Variants in CDH8 observed in about 807,000 individuals in gnomAD.
CDH8 encodes the protein cadherin 8.
Under a neutral mutation model 68.1 loss-of-function variants are expected in CDH8, and 17 were observed. That is an observed-to-expected ratio of 0.25 (90% confidence interval 0.17 to 0.37). The LOEUF (loss-of-function observed/expected upper bound fraction) is 0.37. Ranked by LOEUF, CDH8 falls within the 10% of genes least tolerant of loss-of-function variation. CDH8 has a pLI of 1.00. For missense variants in CDH8, 763 were observed against 999.3 expected (o/e 0.76, Z 3.19); for synonymous variants, 372 against 365.1 (o/e 1.02, Z -0.21).
rs1227631978 is a variant in CDH8 at position 61,703,240 on chromosome 16, G to A, written c.1654+10601C>T. Among the ~76,000 whole-genome samples, 3 of 152,000 alleles carry A rather than the reference G, an allele frequency of 2.0e-5. No individual in the cohort carries two copies. The East Asian group carries it at 5.8e-4, about 29-fold the overall frequency. On this transcript the variant is annotated intron_variant, in intron 10 of 11. Coordinates refer to ENST00000577390, the MANE Select transcript of CDH8 (RefSeq NM_001796.5). ...CATTGTAGAATACGTATTTATTTTAGGAAGACAGAAAACTTATAATACTGT... is the reference window on the plus strand; with the variant it reads ...CATTGTAGAATACGTATTTATTTTAAGAAGACAGAAAACTTATAATACTGT...
chr16:61,715,291 G>A (rs1964704591), intron 9 of CDH8, among the ~76,000 whole-genome samples: 1 of 151,520 alleles, frequency 6.6e-6, no homozygotes, highest in African/African-American at 2.4e-5. Flanking sequence ...GGTTAAGACA[G>A]TGAGATAGTC....
chr16:62,005,134 A>G (rs1452331492), intron 2 of CDH8, among the ~76,000 whole-genome samples: 1 of 152,150 alleles, frequency 6.6e-6, no homozygotes, highest in African/African-American at 2.4e-5. Context: ...ATGTGACAAC[A>G]CTTCCCTACC....
chr16:61,774,230 A>G (rs1960850594), intron 8 of CDH8, among the ~76,000 whole-genome samples: 1 of 151,984 alleles, frequency 6.6e-6, no homozygotes, highest in Non-Finnish European at 1.5e-5. Flanking sequence ...AGGCTCTCAG[A>G]AGGGAAGAAA....
chr16:61,994,763 CT>C (rs200805435), intron 2 of CDH8, among the ~76,000 whole-genome samples: 619 of 10,312 alleles, frequency 0.06, no homozygotes, highest in African/African-American at 0.34. Flanking sequence ...ACAAATCCTC[CT>C]ACATGATTCT....
At chr16:61,983,840 G>A (rs1332265427) in intron 2 of CDH8, among the ~76,000 whole-genome samples, 1 of 150,964 alleles carries the variant, frequency 6.6e-6, no homozygotes, top group Non-Finnish European at 1.5e-5. Flanking sequence ...TTCTTGCTAT[G>A]TCTTCACATG....
chr16:61,771,567 G>A (rs1183009110), intron 8 of CDH8, among the ~76,000 whole-genome samples: 1 of 150,464 alleles, frequency 6.6e-6, no homozygotes, highest in Non-Finnish European at 1.5e-5. Flanking sequence ...AACAAAGCTT[G>A]GACAGAGGCG....
In CDH8 at chr16:61,787,838, A is replaced by G. The variant is rs1204093649; in HGVS notation, c.1414+1508T>C. 3.4e-5 allele frequency among the ~76,000 whole-genome samples: 5 copies of G among 148,788 alleles called. No homozygotes were observed. The East Asian group carries it at 1.0e-3, about 31-fold the overall frequency. ...TCATCATTCTCAGTAAACTATCGCA[A>G]GAACAAAAAACCAAACACGGCATAT... On this transcript the variant is annotated intron_variant, in intron 8 of 11. Transcript: ENST00000577390.
At chr16:61,799,038 ACT>A (rs1314629987) in intron 7 of CDH8, among the ~76,000 whole-genome samples, 1 of 151,696 alleles carries the variant, frequency 6.6e-6, no homozygotes. Context: ...GTGAGGATAA[ACT>A]CTCTTACACC....
Position 61,702,554 on chromosome 16 carries a change from T to TGTG in CDH8, c.1654+11286_1654+11287insCAC, listed in dbSNP as rs1470377828. 3.6e-4 allele frequency among the ~76,000 whole-genome samples: 55 copies of TGTG among 152,304 alleles called. No homozygotes were observed. The East Asian group carries it at 9.8e-3, about 27-fold the overall frequency. On this transcript the variant is annotated intron_variant, in intron 10 of 11. Coordinates refer to ENST00000577390, the MANE Select transcript of CDH8 (RefSeq NM_001796.5). The stretch of plus-strand genomic sequence containing the variant: ...TCGGTACAATTATCATGTTGTGATC[T>TGTG]AGACCTGTAATACCTGAAATAGATC...
chr16:61,917,947 C>G (rs1964270804), intron 2 of CDH8, among the ~76,000 whole-genome samples: 1 of 148,800 alleles, frequency 6.7e-6, no homozygotes, highest in Non-Finnish European at 1.5e-5. Flanking sequence ...TCCCAGGCAA[C>G]CAGGAGGTCA....
rs76491038 is a variant in CDH8, at chr16:61,685,609, A to C, written c.1654+28232T>G. Among the ~76,000 whole-genome samples, 883 of 152,142 alleles carry C rather than the reference A, an allele frequency of 5.8e-3. 7 individuals carry two copies. The highest frequency in any genetic ancestry group is 0.02 in the African/African-American group (837 of 41,544). Reference sequence around the variant, plus strand: ...CCCTGTATATAAAATAGAGATAATAATCAGTTATTTTACATAAGAGTGAGG... The same window carrying C: ...CCCTGTATATAAAATAGAGATAATACTCAGTTATTTTACATAAGAGTGAGG... On this transcript the variant is annotated intron_variant, in intron 10 of 11. Transcript: ENST00000577390.
At chr16:61,793,753 C>A (rs796848449) in intron 7 of CDH8, among the ~76,000 whole-genome samples, 227 of 152,048 alleles carry the variant, frequency 1.5e-3, no homozygotes, top group African/African-American at 5.3e-3. Flanking sequence ...ATTTATATTC[C>A]TTTGGGTATA....
intron 2 of CDH8, among the ~76,000 whole-genome samples, chr16:62,002,913 C>T (rs1035834282): frequency 1.1e-4 from 16 of 152,180 alleles, no homozygotes; most frequent in South Asian, 6.2e-4. Flanking sequence ...ATTAGCTGGG[C>T]GTGGCGGCAG....
chr16:61,782,007 G>A (rs1178965204), intron 8 of CDH8, among the ~76,000 whole-genome samples: 1 of 152,210 alleles, frequency 6.6e-6, no homozygotes, highest in Non-Finnish European at 1.5e-5. Context: ...GTTTGGCAGT[G>A]TTGAAACTAC....
intron 2 of CDH8, among the ~76,000 whole-genome samples, chr16:61,967,348 C>T (rs148047789): frequency 6.6e-6 from 1 of 152,270 alleles, no homozygotes; most frequent in African/African-American, 2.4e-5. Flanking sequence ...CTTTCCAGTA[C>T]CACCACATTT....
At position 61,653,520 on chromosome 16, in the gene CDH8, A is replaced by G. The variant is rs1359303179; in HGVS notation, c.*88T>C. On this transcript the variant is annotated 3_prime_UTR_variant, in exon 12 of 12. Transcript: ENST00000577390. ...GACTGGTGCTAAACTTGCCTCTAAA[A>G]CAAATAGCCACATTGGTTGTATCTA... The G allele has an allele frequency of 6.6e-7, 1 of 1,510,076 alleles. No individual in the cohort carries two copies. The highest frequency in any genetic ancestry group is 2.3e-5 in the East Asian group (1 of 43,840). The allele number at this position is 1,510,076 out of a possible 1,614,324, so 93.5% of individuals were successfully genotyped here.
At chr16:61,955,797 T>C (rs2143609112) in intron 2 of CDH8, among the ~76,000 whole-genome samples, 1 of 152,250 alleles carries the variant, frequency 6.6e-6, no homozygotes, top group South Asian at 2.1e-4. Context: ...CTTCTAGGGC[T>C]TCTGGAAAAT....
chr16:61,903,955 A>T (rs75572892), intron 2 of CDH8, among the ~76,000 whole-genome samples: 18,512 of 73,762 alleles, frequency 0.25, 1,399 homozygotes, highest in African/African-American at 0.38. Context: ...AGCACTTTTT[A>T]AAAAAAAAAA....
intron 8 of CDH8, among the ~76,000 whole-genome samples, chr16:61,758,900 AT>A (rs1416710877): frequency 6.6e-6 from 1 of 152,130 alleles, no homozygotes; most frequent in Non-Finnish European, 1.5e-5. Context: ...TAATCCATTT[AT>A]GCTGGGGGTT....
Sources: allele counts gnomAD v4.1 joint callset (sites outside exome capture counted in the v4.1 genomes callset), GRCh38; gene constraint gnomAD v4.1.1; transcripts MANE v1.5; gene names NCBI Gene and HGNC (gene_info 2026-07-23, HGNC 2026-07-21).